SLC24A3: variants seen among roughly 807,000 people sequenced by gnomAD.
SLC24A3 encodes solute carrier family 24 member 3.
In SLC24A3, 28 loss-of-function variants were observed where a neutral mutation model predicts 75.8. The observed-to-expected ratio is 0.37, with a 90% CI of 0.27 to 0.51. The LOEUF (loss-of-function observed/expected upper bound fraction) is 0.51. SLC24A3 is among the 20% of genes least tolerant of loss of function. The pLI, the probability that SLC24A3 is intolerant of heterozygous loss-of-function variation, is 0.94. For synonymous variants in SLC24A3, 372 were observed against 334.1 expected (o/e 1.11, Z -1.24); for missense variants, 663 against 847.8 (o/e 0.78, Z 2.71).
chr20:19,524,094 C>T (rs1232707796), intron 3 of SLC24A3, among the ~76,000 whole-genome samples: 3 of 150,592 alleles, frequency 2.0e-5, no homozygotes, highest in African/African-American at 5.0e-5. Context: ...CCGAAAGTAC[C>T]CCCAAAGGAA....
rs1019795105 is a variant in SLC24A3 at position 19,256,710 on chromosome 20, A to G, written c.143-24249A>G. On this transcript the variant is annotated intron_variant, in intron 1 of 16. Transcript: ENST00000328041. The stretch of plus-strand genomic sequence containing the variant: ...CTTGAACCCAGGAAGTAGAGGTTGC[A>G]GTGAGCTGAGATCATGCCACTGCAC... 2.0e-5 allele frequency among the ~76,000 whole-genome samples: 3 copies of G among 150,288 alleles called. No homozygotes were observed. In the South Asian group the frequency reaches 6.4e-4, roughly 32 times the overall value.
intron 2 of SLC24A3, among the ~76,000 whole-genome samples, chr20:19,287,551 C>T (rs1983845712): frequency 6.6e-6 from 1 of 152,168 alleles, no homozygotes; most frequent in East Asian, 1.9e-4. Context: ...CCAAATACCA[C>T]CATTATAGAA....
intron 1 of SLC24A3, among the ~76,000 whole-genome samples, chr20:19,270,976 C>CAGAGGAAGCGGAGCCTGAGG (rs1983313742): frequency 6.6e-6 from 1 of 152,122 alleles, no homozygotes. Context: ...CAGCAAGGGC[C>CAGAGGAAGCGGAGCCTGAGG]AGAGGAAGCG....
At chr20:19,592,855 G>GCACGATCTTGGCTCAC (rs2031398539) in intron 6 of SLC24A3, among the ~76,000 whole-genome samples, 2 of 146,986 alleles carry the variant, frequency 1.4e-5, no homozygotes. Context: ...GAGTGCAGTG[G>GCACGATCTTGGCTCAC]CACGATCTTG....
intron 2 of SLC24A3, among the ~76,000 whole-genome samples, chr20:19,450,714 G>C (rs1053288355): frequency 6.6e-6 from 1 of 152,284 alleles, no homozygotes; most frequent in South Asian, 2.1e-4. Context: ...TTATAAAACA[G>C]TGGGCTGGGT....
intron 2 of SLC24A3, among the ~76,000 whole-genome samples, chr20:19,439,087 C>T (rs1446971966): frequency 6.6e-6 from 1 of 152,196 alleles, no homozygotes; most frequent in Admixed American, 6.5e-5. Flanking sequence ...CCCCACATCC[C>T]ATACAGATGT....
intron 9 of SLC24A3, among the ~76,000 whole-genome samples, chr20:19,678,400 C>T (rs1275546381): frequency 7.6e-6 from 1 of 131,144 alleles, no homozygotes; most frequent in Non-Finnish European, 1.7e-5. Context: ...CCTCACTTCC[C>T]AGTAGGGACG....
At chr20:19,465,279 A>C (rs1987745081) in intron 2 of SLC24A3, among the ~76,000 whole-genome samples, 1 of 152,128 alleles carries the variant, frequency 6.6e-6, no homozygotes, top group South Asian at 2.1e-4. Flanking sequence ...TGAGAGGCCC[A>C]GGGGTCTGAG....
At chr20:19,711,074 C>A (rs2032982739) in intron 15 of SLC24A3, among the ~76,000 whole-genome samples, 1 of 151,224 alleles carries the variant, frequency 6.6e-6, no homozygotes, top group African/African-American at 2.4e-5. Flanking sequence ...TGCACACATG[C>A]AGACACACAC....
chr20:19,394,541 T>A (rs117009294), intron 2 of SLC24A3, among the ~76,000 whole-genome samples: 129 of 151,870 alleles, frequency 8.5e-4, no homozygotes, highest in Non-Finnish European at 1.6e-3. Flanking sequence ...CCCAAAAAAC[T>A]CAATAAAGGA....
chr20:19,388,994 T>G (rs1048895003), intron 2 of SLC24A3, among the ~76,000 whole-genome samples: 2 of 152,126 alleles, frequency 1.3e-5, no homozygotes, highest in Non-Finnish European at 2.9e-5. Flanking sequence ...TTCTTTTCTC[T>G]TTATCTTTTG....
intron 8 of SLC24A3, among the ~76,000 whole-genome samples, chr20:19,666,621 C>A (rs934033393): frequency 6.6e-6 from 1 of 152,128 alleles, no homozygotes; most frequent in Non-Finnish European, 1.5e-5. Flanking sequence ...AAAGTTCCCC[C>A]TGACTTTCAA....
At position 19,260,927 on chromosome 20, in the gene SLC24A3, C is replaced by G. The variant is rs73605513; in HGVS notation, c.143-20032C>G. On this transcript the variant is annotated intron_variant, in intron 1 of 16. Coordinates refer to ENST00000328041, the MANE Select transcript of SLC24A3 (RefSeq NM_020689.4). Reference sequence around the variant, plus strand: ...AGCCTGTCATTGGAGAGGATGGGATCAGGTCGAGTCACAGATTCAATGTGT... The same window carrying G: ...AGCCTGTCATTGGAGAGGATGGGATGAGGTCGAGTCACAGATTCAATGTGT... 3.8e-4 allele frequency among the ~76,000 whole-genome samples: 58 copies of G among 152,282 alleles called. No individual in the cohort carries two copies. In the East Asian group the frequency reaches 0.011, roughly 29 times the overall value.
intron 1 of SLC24A3, among the ~76,000 whole-genome samples, chr20:19,269,882 C>G (rs553094337): frequency 6.6e-6 from 1 of 152,320 alleles, no homozygotes; most frequent in East Asian, 1.9e-4. Context: ...AACTGTAGGT[C>G]TACAGAGTTA....
intron 15 of SLC24A3, among the ~76,000 whole-genome samples, chr20:19,699,308 G>A (rs1468132908): frequency 1.3e-5 from 2 of 152,232 alleles, no homozygotes; most frequent in African/African-American, 4.8e-5. Flanking sequence ...AAAGGGCAAC[G>A]CCCTGGCGGG....
chr20:19,696,896 A>G lies in SLC24A3; in HGVS notation c.1591A>G (p.Ile531Val). 6.9e-7 allele frequency: 1 copy of G among 1,447,900 alleles called. No homozygotes were observed. Among genetic ancestry groups the G allele is most frequent in the Non-Finnish European group, 9.3e-7 (1 of 1,078,496 alleles). 89.7% of individuals were successfully genotyped at this position (1,447,900 alleles called of 1,614,324 possible). A position where few individuals can be genotyped will look rare whatever the true frequency, so the allele number is the denominator to read the frequency against. The part of the protein sequence containing the change: ...TSVPDCMASL[I>V]VARQGMGDMA... ...CGTGCCTGACTGCATGGCCAGCCTC[A>G]TTGTGGCCAGACAAGGTGGGACTTC... The change falls in exon 14 of 17, where the codon ATT (isoleucine) becomes GTT (valine). Residue 531 changes from isoleucine to valine, a missense_variant. Physicochemically the swap from Ile to Val is conservative, Grantham distance 29. This residue lies in a region of SLC24A3 where 510 missense variants were observed against 703.6 expected (regional missense o/e 0.72). Transcript: ENST00000328041.
chr20:19,425,681 C>T (rs1437594551), intron 2 of SLC24A3, among the ~76,000 whole-genome samples: 1 of 152,180 alleles, frequency 6.6e-6, no homozygotes. Context: ...TTTTACAGTT[C>T]TATCTTCCAT....
At chr20:19,586,659 C>T (rs760284275) in intron 6 of SLC24A3, among the ~76,000 whole-genome samples, 1 of 152,200 alleles carries the variant, frequency 6.6e-6, no homozygotes, top group Non-Finnish European at 1.5e-5. Flanking sequence ...CTCCACTGCC[C>T]ATTTTTACTT....
rs544552567 is a variant in SLC24A3, at chr20:19,686,104, G to T, written c.1324+743G>T. On this transcript the variant is annotated intron_variant, in intron 12 of 16. Transcript: ENST00000328041. The stretch of plus-strand genomic sequence containing the variant: ...TGGGACAGTTGGGCTGGTTTCAGGG[G>T]ACGGTCTTATCTTACTTAGCTGTTC... Among the ~76,000 whole-genome samples, 8 of 152,322 alleles carry T rather than the reference G, an allele frequency of 5.3e-5. No individual in the cohort carries two copies. In the East Asian group the frequency reaches 5.8e-4, roughly 11 times the overall value.
Sources: gnomAD v4.1 joint callset for allele counts (sites outside exome capture counted in the v4.1 genomes callset) on GRCh38, gnomAD v4.1.1 for gene constraint, gnomAD v4.1.1 regional missense constraint, MANE v1.5 for transcripts, NCBI Gene and HGNC (gene_info 2026-07-23, HGNC 2026-07-21) for gene names.